CNGB3: variants seen among roughly 807,000 people sequenced by gnomAD.
The protein encoded by CNGB3 is cyclic nucleotide-gated channel beta-3.
Under a neutral mutation model 92.8 loss-of-function variants are expected in CNGB3, and 86 were observed. The ratio of observed to expected loss-of-function variants is 0.93; its 90% CI spans 0.78 to 1.11. The LOEUF is 1.11. Among genes scored for constraint, CNGB3 ranks in the 50% least tolerant of loss-of-function variants. CNGB3 has a pLI of 0.00. For missense variants in CNGB3, 1,026 were observed against 956.8 expected, an observed-to-expected ratio of 1.07 and a Z score of -0.95; for synonymous variants, 333 against 332.7, an observed-to-expected ratio of 1.00 and a Z score of -0.01.
At chr8:86,631,199 C>A (rs372677133) in intron 11 of CNGB3, among the ~76,000 whole-genome samples, 3 of 152,080 alleles carry the variant, frequency 2.0e-5, no homozygotes, top group Non-Finnish European at 1.5e-5. Flanking sequence ...AATCACTTGA[C>A]GATTTTGTTA....
At chr8:86,715,500 T>TCAC (rs1370691763) in intron 3 of CNGB3, among the ~76,000 whole-genome samples, 2 of 151,772 alleles carry the variant, frequency 1.3e-5, no homozygotes, top group Non-Finnish European at 2.9e-5. Context: ...AAGGGGGAAA[T>TCAC]CACCACATCA....
chr8:86,598,514 T>A (rs1395334042), intron 15 of CNGB3, among the ~76,000 whole-genome samples: 1 of 152,180 alleles, frequency 6.6e-6, no homozygotes, highest in Admixed American at 6.5e-5. Flanking sequence ...TAACAAATTA[T>A]CACAAAACAA....
intron 14 of CNGB3, among the ~76,000 whole-genome samples, chr8:86,609,799 C>G (rs918561215): frequency 2.8e-4 from 42 of 152,126 alleles, no homozygotes; most frequent in Non-Finnish European, 7.4e-5. Flanking sequence ...TGCCTCTCAG[C>G]TCATGGCTCC....
At chr8:86,617,664 C>G (rs1233687795) in intron 13 of CNGB3, among the ~76,000 whole-genome samples, 1 of 152,112 alleles carries the variant, frequency 6.6e-6, no homozygotes, top group East Asian at 1.9e-4. Flanking sequence ...ATTTGCAACA[C>G]TAGTAAAAAT....
intron 3 of CNGB3, among the ~76,000 whole-genome samples, chr8:86,693,464 T>TTTTTA (rs1824361503): frequency 6.7e-6 from 1 of 150,296 alleles, no homozygotes; most frequent in African/African-American, 2.4e-5. Flanking sequence ...TATTTATTTT[T>TTTTTA]ATTGATTATT....
intron 15 of CNGB3, among the ~76,000 whole-genome samples, chr8:86,580,305 A>T (rs1489688768): frequency 6.6e-6 from 1 of 152,184 alleles, no homozygotes; most frequent in East Asian, 1.9e-4. Context: ...CACAAAGCCA[A>T]ACCATGTCAG....
At chr8:86,652,033 A>G (rs145378233) in intron 7 of CNGB3, among the ~76,000 whole-genome samples, 1 of 152,096 alleles carries the variant, frequency 6.6e-6, no homozygotes, top group Non-Finnish European at 1.5e-5. Context: ...CTAGGCTTCT[A>G]GGCTACAGGC....
chr8:86,736,572 A>G (rs1244741868), intron 2 of CNGB3, among the ~76,000 whole-genome samples: 3 of 152,172 alleles, frequency 2.0e-5, no homozygotes, highest in African/African-American at 7.2e-5. Flanking sequence ...TTACTATTAC[A>G]AAGTAACTCA....
rs544708939 is a variant in CNGB3, at chr8:86,721,088, T to C, written c.338+5443A>G. 1.1e-4 allele frequency among the ~76,000 whole-genome samples: 17 copies of C among 152,074 alleles called. No homozygotes were observed. In the South Asian group the frequency reaches 3.1e-3, roughly 28 times the overall value. ...TTCAAGTGATTCTCATGCCTCAGCCTCCTGAGTAGCTGGGATTAGAGGTGC... is the reference window on the plus strand; with the variant it reads ...TTCAAGTGATTCTCATGCCTCAGCCCCCTGAGTAGCTGGGATTAGAGGTGC... On this transcript the variant is annotated intron_variant, in intron 3 of 17. Coordinates refer to ENST00000320005, the MANE Select transcript of CNGB3 (RefSeq NM_019098.5).
At chr8:86,586,233 T>C (rs1821886478) in intron 15 of CNGB3, among the ~76,000 whole-genome samples, 1 of 152,232 alleles carries the variant, frequency 6.6e-6, no homozygotes, top group Non-Finnish European at 1.5e-5. Context: ...AAGCTGTTTG[T>C]AATCTAGGCA....
At chr8:86,633,292 C>A (rs1313682767) in intron 10 of CNGB3, among the ~76,000 whole-genome samples, 2 of 152,192 alleles carry the variant, frequency 1.3e-5, no homozygotes, top group African/African-American at 4.8e-5. Context: ...AACCAAATGT[C>A]TGAAACCTTG....
intron 2 of CNGB3, among the ~76,000 whole-genome samples, chr8:86,735,042 G>GTTTTTTTTTTTTTTTTTTTTTT (rs60107723): frequency 1.2e-5 from 1 of 85,886 alleles, no homozygotes. Context: ...AATGCCGGTG[G>GTTTTTTTTTTTTTTTTTTTTTT]TTTTTTTTTT....
intron 4 of CNGB3, among the ~76,000 whole-genome samples, chr8:86,668,733 C>T (rs1438621837): frequency 1.3e-5 from 2 of 149,250 alleles, no homozygotes; most frequent in Non-Finnish European, 3.0e-5. Flanking sequence ...TAAATGATGA[C>T]AAAATTCAGG....
Position 86,735,144 on chromosome 8 carries a change from CTTTT to C in CNGB3, c.211+4507_211+4510del, listed in dbSNP as rs10689543. 1.7e-4 allele frequency among the ~76,000 whole-genome samples: 14 copies of C among 81,274 alleles called. 1 individual carries two copies. Among genetic ancestry groups the C allele is most frequent in the African/African-American group, 5.9e-4 (11 of 18,586 alleles). The allele number at this position is 81,274 out of a possible 152,430, so 53.3% of individuals were successfully genotyped here. ...TCAATTTCATTTTTAAAATGGTTGC[CTTTT>C]TTTTTTTTTTTTGAGACAGAGTCTT... On this transcript the variant is annotated intron_variant, in intron 2 of 17. Coordinates refer to ENST00000320005, the MANE Select transcript of CNGB3 (RefSeq NM_019098.5).
intron 6 of CNGB3, among the ~76,000 whole-genome samples, chr8:86,664,742 A>G (rs751933654): frequency 3.3e-5 from 5 of 152,186 alleles, no homozygotes; most frequent in Non-Finnish European, 7.3e-5. Flanking sequence ...GCAAGTAAAG[A>G]ATAAAAAGAT....
chr8:86,579,110 C>T lies in CNGB3; in HGVS notation c.1924G>A (p.Ala642Thr), dbSNP rs371424750. The T allele has an allele frequency of 4.4e-5, 71 of 1,614,060 alleles. No individual in the cohort carries two copies. Among genetic ancestry groups the T allele is most frequent in the Non-Finnish European group, 5.8e-5 (68 of 1,180,034 alleles). The change falls in exon 16 of 18, where the codon GCC (alanine) becomes ACC (threonine). Residue 642 changes from alanine to threonine, a missense_variant. By Grantham distance (58) the Ala-to-Thr change is moderately conservative. Coordinates refer to ENST00000320005, the MANE Select transcript of CNGB3 (RefSeq NM_019098.5). Reference sequence around the variant, plus strand: ...ATGGTGTTTTAAAGGTTGTACCTGGCTTTCTTCATGAGGATCCTTTCAGAA... The same window carrying T: ...ATGGTGTTTTAAAGGTTGTACCTGGTTTTCTTCATGAGGATCCTTTCAGAA... Reference protein sequence around the residue: ...PDSERILMKKARVLLKQKAKT... With the variant: ...PDSERILMKKTRVLLKQKAKT...
chr8:86,598,775 A>G (rs28409909), intron 15 of CNGB3, among the ~76,000 whole-genome samples: 29,025 of 152,130 alleles, frequency 0.19, 4,084 homozygotes, highest in African/African-American at 0.4. Flanking sequence ...TCCTTAGGAA[A>G]AAGAACCCTC....
chr8:86,597,725 A>G (rs1290977317), intron 15 of CNGB3, among the ~76,000 whole-genome samples: 1 of 152,156 alleles, frequency 6.6e-6, no homozygotes, highest in Non-Finnish European at 1.5e-5. Flanking sequence ...TTGTACCTGT[A>G]ATCCAGCACT....
intron 11 of CNGB3, among the ~76,000 whole-genome samples, chr8:86,630,729 C>G (rs992895254): frequency 4.6e-5 from 7 of 151,952 alleles, no homozygotes; most frequent in African/African-American, 1.7e-4. Flanking sequence ...AAAGAATTAG[C>G]CAGGCATGAT....
Sources: gnomAD v4.1 joint callset for allele counts (sites outside exome capture counted in the v4.1 genomes callset) on GRCh38, gnomAD v4.1.1 for gene constraint, MANE v1.5 for transcripts, NCBI Gene and HGNC (gene_info 2026-07-23, HGNC 2026-07-21) for gene names.